Variants in BCKDHB observed in about 807,000 individuals in gnomAD.
BCKDHB encodes branched chain keto acid dehydrogenase E1 subunit beta.
Under a neutral mutation model 48.5 loss-of-function variants are expected in BCKDHB, and 41 were observed. The observed-to-expected ratio is 0.85, with a 90% CI of 0.66 to 1.10. BCKDHB has a LOEUF of 1.10. Among genes scored for constraint, BCKDHB ranks in the 50% least tolerant of loss-of-function variants. The probability of loss-of-function intolerance (pLI) is 0.00; values close to 1 mark genes in which losing one functional copy is unlikely to be tolerated. For synonymous variants in BCKDHB, 201 were observed against 174.8 expected, an observed-to-expected ratio of 1.15 and a Z score of -1.18; for missense variants, 496 against 494.2, an observed-to-expected ratio of 1.00 and a Z score of -0.03.
intron 8 of BCKDHB, 115 bp from the exon 9 acceptor site, chr6:80,273,020 T>C: frequency 1.2e-6 from 1 of 813,688 alleles, no homozygotes; most frequent in Non-Finnish European, 2.0e-6. Context: ...GAATTACTGA[T>C]TTTTACACTA....
chr6:80,256,153 C>A (rs1196291362), intron 8 of BCKDHB, among the ~76,000 whole-genome samples: 1 of 152,120 alleles, frequency 6.6e-6, no homozygotes, highest in African/African-American at 2.4e-5. Flanking sequence ...ATTTAACTTC[C>A]TCTCTTAATG....
intron 5 of BCKDHB, among the ~76,000 whole-genome samples, chr6:80,170,386 A>C (rs1263687334): frequency 1.3e-5 from 2 of 152,192 alleles, no homozygotes; most frequent in Non-Finnish European, 2.9e-5. Flanking sequence ...TCTTTAAACA[A>C]TTATAATCAT....
At chr6:80,404,899 G>C in the BCKDHB span, among the ~76,000 whole-genome samples, 1 of 152,062 alleles carries the variant, frequency 6.6e-6, no homozygotes, top group Admixed American at 6.6e-5. Context: ...ACTGTGGTCA[G>C]AAAAGATACT....
intron 8 of BCKDHB, among the ~76,000 whole-genome samples, chr6:80,256,153 C>G (rs1196291362): frequency 6.6e-6 from 1 of 152,120 alleles, no homozygotes; most frequent in East Asian, 1.9e-4. Flanking sequence ...ATTTAACTTC[C>G]TCTCTTAATG....
chr6:80,367,384 T>G, the BCKDHB span, among the ~76,000 whole-genome samples: 2 of 152,250 alleles, frequency 1.3e-5, no homozygotes, highest in Non-Finnish European at 2.9e-5. Context: ...ACCAAAATTA[T>G]ACAGCTATTA....
At chr6:80,185,423 A>G (rs1388363718) in intron 6 of BCKDHB, among the ~76,000 whole-genome samples, 1 of 151,878 alleles carries the variant, frequency 6.6e-6, no homozygotes, top group Non-Finnish European at 1.5e-5. Context: ...TTATCTGGCA[A>G]TCAGGGATTT....
intron 8 of BCKDHB, among the ~76,000 whole-genome samples, chr6:80,218,073 TG>T (rs1775253452): frequency 6.6e-6 from 1 of 152,162 alleles, no homozygotes. Flanking sequence ...TGTTCCTAAG[TG>T]GCATAAAACA....
At position 80,212,606 on chromosome 6, in the gene BCKDHB, A is replaced by T. The variant is rs556109184; in HGVS notation, c.951+9394A>T. 2.0e-5 allele frequency among the ~76,000 whole-genome samples: 3 copies of T among 152,262 alleles called. No individual in the cohort carries two copies. In the South Asian group the frequency reaches 6.2e-4, roughly 32 times the overall value. ...TAACATAATTATCAGAGTGGTCCTG[A>T]GGTGACATATATCCTCAGTTTACGA... On this transcript the variant is annotated intron_variant, in intron 8 of 9. Coordinates refer to ENST00000320393, the MANE Select transcript of BCKDHB (RefSeq NM_183050.4).
intron 9 of BCKDHB, among the ~76,000 whole-genome samples, chr6:80,339,872 A>G (rs908196305): frequency 2.0e-5 from 3 of 152,090 alleles, no homozygotes; most frequent in East Asian, 1.9e-4. Flanking sequence ...GCTATTCTCA[A>G]TAGTAGGGTC....
the BCKDHB span, among the ~76,000 whole-genome samples, chr6:80,397,191 G>T: frequency 1.3e-5 from 2 of 152,128 alleles, no homozygotes; most frequent in Non-Finnish European, 2.9e-5. Context: ...TGGTCTATCT[G>T]CTTCCTTTAT....
At chr6:80,431,085 G>A in the BCKDHB span, among the ~76,000 whole-genome samples, 1 of 152,154 alleles carries the variant, frequency 6.6e-6, no homozygotes, top group African/African-American at 2.4e-5. Context: ...TTACCCAGTA[G>A]TCATTCAGGA....
At chr6:80,171,757 T>G (rs1772929857) in intron 6 of BCKDHB, among the ~76,000 whole-genome samples, 1 of 152,124 alleles carries the variant, frequency 6.6e-6, no homozygotes, top group Non-Finnish European at 1.5e-5. Flanking sequence ...AAGGTCTTCC[T>G]TCATTTAAAT....
rs560346760 is a variant in BCKDHB, at chr6:80,122,472, A to G, written c.197-5075A>G. Among the ~76,000 whole-genome samples the G allele has an allele frequency of 4.6e-5, 7 of 152,316 alleles. No homozygotes were observed. In the East Asian group the frequency reaches 5.8e-4, roughly 13 times the overall value. ...TTAACGTAGGTTCTTTCTGTTTTCC[A>G]TAAGTGTCATCTGGCTGAGAAATAA... is the stretch of plus-strand genomic sequence containing the variant. On this transcript the variant is annotated intron_variant, in intron 1 of 9. Coordinates refer to ENST00000320393, the MANE Select transcript of BCKDHB (RefSeq NM_183050.4).
At chr6:80,107,423 ATGTGTGTG>A (rs60917181) in intron 1 of BCKDHB, among the ~76,000 whole-genome samples, 3 of 73,228 alleles carry the variant, frequency 4.1e-5, no homozygotes, top group South Asian at 3.8e-4. Flanking sequence ...AATTGTGTGT[ATGTGTGTG>A]TGTGTGTGTG....
the BCKDHB span, among the ~76,000 whole-genome samples, chr6:80,433,830 T>C: frequency 6.6e-6 from 1 of 152,264 alleles, no homozygotes; most frequent in Non-Finnish European, 1.5e-5. Context: ...CAATTTTCTT[T>C]CTGTTTGTTT....
Position 80,147,303 on chromosome 6 carries a change from G to A in BCKDHB, c.343+18074G>A, listed in dbSNP as rs148454773. Among the ~76,000 whole-genome samples the A allele has an allele frequency of 3.1e-3, 467 of 152,224 alleles. 6 individuals carry two copies. The highest frequency in any genetic ancestry group is 0.011 in the African/African-American group (448 of 41,562). ...CATTGTGATTAAGTTTGAAGAAACT[G>A]ATTGCTAATTAATGTTGTTCATTGT... On this transcript the variant is annotated intron_variant, in intron 3 of 9. Coordinates refer to ENST00000320393, the MANE Select transcript of BCKDHB (RefSeq NM_183050.4).
chr6:80,400,962 G>C, the BCKDHB span, among the ~76,000 whole-genome samples: 1 of 151,716 alleles, frequency 6.6e-6, no homozygotes, highest in South Asian at 2.1e-4. Flanking sequence ...ACTAATGCAG[G>C]AACACAAATC....
At chr6:80,210,699 A>G (rs1774884573) in intron 8 of BCKDHB, among the ~76,000 whole-genome samples, 1 of 152,132 alleles carries the variant, frequency 6.6e-6, no homozygotes, top group Admixed American at 6.6e-5. Flanking sequence ...GTCCTTAGCC[A>G]GGAAGATTTT....
intron 8 of BCKDHB, among the ~76,000 whole-genome samples, chr6:80,205,390 C>T (rs1774596499): frequency 1.3e-5 from 2 of 151,912 alleles, no homozygotes; most frequent in Admixed American, 6.6e-5. Context: ...TGTGTGTCAA[C>T]TAAACCCCAA....
Sources: gnomAD v4.1 joint callset for allele counts (sites outside exome capture counted in the v4.1 genomes callset) on GRCh38, gnomAD v4.1.1 for gene constraint, MANE v1.5 for transcripts, NCBI Gene and HGNC (gene_info 2026-07-23, HGNC 2026-07-21) for gene names.